The following DCDC2 variants were observed in gnomAD, a reference collection of about 807,000 sequenced individuals.
DCDC2 encodes doublecortin domain-containing protein 2.
In DCDC2, 40 loss-of-function variants were observed where a neutral mutation model predicts 50.2. The observed-to-expected ratio is 0.80, with a 90% CI of 0.62 to 1.04. The LOEUF (loss-of-function observed/expected upper bound fraction) is 1.04, where lower values mean the gene tolerates loss of function less well. DCDC2 is among the 50% of genes least tolerant of loss of function. The pLI, the probability that DCDC2 is intolerant of heterozygous loss-of-function variation, is 0.00. For synonymous variants in DCDC2, 234 were observed against 210.6 expected, an observed-to-expected ratio of 1.11 and a Z score of -0.96; for missense variants, 570 against 581.9, an observed-to-expected ratio of 0.98 and a Z score of 0.21.
At chr6:24,370,821 A>G in the DCDC2 span, among the ~76,000 whole-genome samples, 1 of 152,240 alleles carries the variant, frequency 6.6e-6, no homozygotes, top group Non-Finnish European at 1.5e-5. Flanking sequence ...ATTATTCATA[A>G]TAGCCAAAAA....
At chr6:24,213,653 T>C (rs1197844761) in intron 7 of DCDC2, among the ~76,000 whole-genome samples, 1 of 152,174 alleles carries the variant, frequency 6.6e-6, no homozygotes, top group Non-Finnish European at 1.5e-5. Flanking sequence ...TAGATTGTTG[T>C]CATCACAGCA....
intron 7 of DCDC2, among the ~76,000 whole-genome samples, chr6:24,257,687 T>A (rs1762922659): frequency 6.9e-6 from 1 of 145,162 alleles, no homozygotes; most frequent in Admixed American, 6.7e-5. Context: ...GGAAGACGCC[T>A]GAAGTTGGGG....
intron 7 of DCDC2, among the ~76,000 whole-genome samples, chr6:24,218,212 T>G (rs530083518): frequency 6.6e-6 from 1 of 152,326 alleles, no homozygotes; most frequent in South Asian, 2.1e-4. Flanking sequence ...GAGATCTCAG[T>G]AGCCTCAATT....
chr6:24,218,433 A>C (rs1323474949), intron 7 of DCDC2, among the ~76,000 whole-genome samples: 2 of 152,216 alleles, frequency 1.3e-5, no homozygotes. Context: ...ATCTATAATA[A>C]AAATGTATGT....
chr6:24,224,232 CCATT>C (rs962284690), intron 7 of DCDC2, among the ~76,000 whole-genome samples: 4 of 152,146 alleles, frequency 2.6e-5, no homozygotes, highest in African/African-American at 9.7e-5. Context: ...ATTCATTCAT[CCATT>C]CATTCATTCA....
chr6:24,175,972 C>A (rs555431545), intron 9 of DCDC2, among the ~76,000 whole-genome samples: 1 of 152,196 alleles, frequency 6.6e-6, no homozygotes, highest in Non-Finnish European at 1.5e-5. Context: ...AAGATTAAAT[C>A]TCTTTGTGAG....
At chr6:24,200,009 G>A (rs564873539) in intron 8 of DCDC2, among the ~76,000 whole-genome samples, 4 of 152,308 alleles carry the variant, frequency 2.6e-5, no homozygotes, top group Non-Finnish European at 5.9e-5. Flanking sequence ...ATGGGACTAT[G>A]TGAAAAGACC....
chr6:24,377,458 A>G, the DCDC2 span, among the ~76,000 whole-genome samples: 2 of 152,200 alleles, frequency 1.3e-5, no homozygotes, highest in Non-Finnish European at 2.9e-5. Context: ...AACTAAGTAA[A>G]CATTTGTATC....
intron 7 of DCDC2, among the ~76,000 whole-genome samples, chr6:24,249,276 T>A (rs917604809): frequency 6.6e-6 from 1 of 152,208 alleles, no homozygotes; most frequent in Non-Finnish European, 1.5e-5. Context: ...TCTGTGGAGA[T>A]GGGTTTGACT....
upstream of DCDC2, among the ~76,000 whole-genome samples, chr6:24,359,560 ATTTTTATATATAT>A (rs1168218155): frequency 6.1e-5 from 7 of 114,130 alleles, no homozygotes; most frequent in Non-Finnish European, 1.2e-4. Flanking sequence ...TATATTATAT[ATTTTTATATATAT>A]ATTTTATATA....
intron 7 of DCDC2, among the ~76,000 whole-genome samples, chr6:24,259,740 C>A (rs1053732254): frequency 2.0e-5 from 3 of 152,102 alleles, no homozygotes; most frequent in Admixed American, 2.0e-4. Context: ...AAATAAATAT[C>A]AATTCCCAGT....
rs555878601 is a variant in DCDC2, at chr6:24,220,446, T to C, written c.923-15344A>G. Among the ~76,000 whole-genome samples, 3 of 152,282 alleles carry C rather than the reference T, an allele frequency of 2.0e-5. No homozygotes were observed. The East Asian group carries it at 5.8e-4, about 29-fold the overall frequency. ...AGCGGAGAAGAAATGGAAAAAGACATATGTAACTACTTTTAGCAGCATTCT... is the reference window on the plus strand; with the variant it reads ...AGCGGAGAAGAAATGGAAAAAGACACATGTAACTACTTTTAGCAGCATTCT... On this transcript the variant is annotated intron_variant, in intron 7 of 9. Coordinates refer to ENST00000378454, the MANE Select transcript of DCDC2 (RefSeq NM_016356.5).
intron 7 of DCDC2, among the ~76,000 whole-genome samples, chr6:24,252,737 A>G (rs1300982362): frequency 3.9e-5 from 6 of 152,210 alleles, no homozygotes; most frequent in African/African-American, 1.4e-4. Context: ...CTCAGCAGTG[A>G]TAACACAAAA....
chr6:24,293,570 TC>T (rs1334435837), intron 4 of DCDC2, among the ~76,000 whole-genome samples: 1 of 152,126 alleles, frequency 6.6e-6, no homozygotes, highest in Non-Finnish European at 1.5e-5. Context: ...AGACTTAGAC[TC>T]CCACATAATA....
At chr6:24,232,654 T>C (rs552032643) in intron 7 of DCDC2, among the ~76,000 whole-genome samples, 2 of 152,344 alleles carry the variant, frequency 1.3e-5, no homozygotes, top group East Asian at 1.9e-4. Context: ...CAATAGGCTA[T>C]ATCTGGTTGA....
At chr6:24,382,256 T>G in the DCDC2 span, among the ~76,000 whole-genome samples, 1 of 152,076 alleles carries the variant, frequency 6.6e-6, no homozygotes, top group Non-Finnish European at 1.5e-5. Flanking sequence ...CTCTACAGAC[T>G]CCGGCAAATA....
the DCDC2 span, among the ~76,000 whole-genome samples, chr6:24,366,605 G>A: frequency 6.6e-6 from 1 of 152,208 alleles, no homozygotes; most frequent in Non-Finnish European, 1.5e-5. Context: ...ATGAAGGGTG[G>A]TGTGGACATG....
At chr6:24,263,802 G>C (rs991488776) in intron 7 of DCDC2, among the ~76,000 whole-genome samples, 6 of 152,108 alleles carry the variant, frequency 3.9e-5, no homozygotes, top group African/African-American at 1.2e-4. Flanking sequence ...GAGAGAAACA[G>C]GAGTAGAAAG....
chr6:24,217,990 T>C (rs1338529388), intron 7 of DCDC2, among the ~76,000 whole-genome samples: 1 of 152,230 alleles, frequency 6.6e-6, no homozygotes, highest in African/African-American at 2.4e-5. Context: ...CTGCAATATC[T>C]ATCATGTTCC....
Sources: allele counts gnomAD v4.1 joint callset (sites outside exome capture counted in the v4.1 genomes callset), GRCh38; gene constraint gnomAD v4.1.1; transcripts MANE v1.5; gene names NCBI Gene and HGNC (gene_info 2026-07-23, HGNC 2026-07-21).